Variants in STK32B observed in about 807,000 individuals in gnomAD.
The protein encoded by STK32B is serine/threonine kinase 32B.
In STK32B, 43 loss-of-function variants were observed where a neutral mutation model predicts 52.6. That is an observed-to-expected ratio of 0.82 (90% confidence interval 0.64 to 1.05). The LOEUF (loss-of-function observed/expected upper bound fraction) is 1.05. Among genes scored for constraint, STK32B ranks in the 50% least tolerant of loss-of-function variants. The pLI, the probability that STK32B is intolerant of heterozygous loss-of-function variation, is 0.00. For synonymous variants in STK32B, 238 were observed against 204.3 expected, an observed-to-expected ratio of 1.17 and a Z score of -1.41; for missense variants, 621 against 534.6, an observed-to-expected ratio of 1.16 and a Z score of -1.59.
At chr4:5,379,844 C>G (rs375917970) in intron 4 of STK32B, among the ~76,000 whole-genome samples, 1 of 152,164 alleles carries the variant, frequency 6.6e-6, no homozygotes, top group Non-Finnish European at 1.5e-5. Flanking sequence ...TTTAAGCCCC[C>G]GGTTCGTGGT....
intron 1 of STK32B, among the ~76,000 whole-genome samples, chr4:5,120,776 A>G (rs1714981008): frequency 1.3e-5 from 2 of 152,030 alleles, no homozygotes; most frequent in South Asian, 4.1e-4. Context: ...GCTTTTTTCT[A>G]AGCACTTTAC....
intron 3 of STK32B, among the ~76,000 whole-genome samples, chr4:5,256,270 C>T (rs1442117014): frequency 6.6e-6 from 1 of 152,170 alleles, no homozygotes; most frequent in East Asian, 1.9e-4. Context: ...AAGCCAGAGA[C>T]CATCTTTCAT....
At chr4:5,488,402 C>T (rs1348409216) in intron 11 of STK32B, among the ~76,000 whole-genome samples, 1 of 152,134 alleles carries the variant, frequency 6.6e-6, no homozygotes, top group Non-Finnish European at 1.5e-5. Flanking sequence ...TTATTAAGAG[C>T]AGATCAATAT....
chr4:5,021,192 G>A, the STK32B span, among the ~76,000 whole-genome samples: 5 of 152,196 alleles, frequency 3.3e-5, no homozygotes, highest in Admixed American at 3.3e-4. Flanking sequence ...AAACAGGATA[G>A]CATCACGCTG....
chr4:5,391,631 C>G (rs900161998), intron 4 of STK32B, among the ~76,000 whole-genome samples: 1 of 151,984 alleles, frequency 6.6e-6, no homozygotes, highest in African/African-American at 2.4e-5. Flanking sequence ...ATGGTCTGGC[C>G]TGGCTGGGCC....
chr4:5,080,735 C>T (rs904688708), intron 1 of STK32B, among the ~76,000 whole-genome samples: 1 of 151,994 alleles, frequency 6.6e-6, no homozygotes, highest in Non-Finnish European at 1.5e-5. Context: ...AAATGATTAT[C>T]ATAATCATAT....
chr4:5,429,661 A>G (rs998370896), intron 6 of STK32B, among the ~76,000 whole-genome samples: 2 of 151,988 alleles, frequency 1.3e-5, no homozygotes, highest in African/African-American at 2.4e-5. Context: ...TGCTATTTTC[A>G]TATTCTTTCT....
chr4:5,370,996 G>GTGTGTGTGTGTGTGTATA (rs570241863), intron 4 of STK32B, among the ~76,000 whole-genome samples: 1 of 141,066 alleles, frequency 7.1e-6, no homozygotes, highest in African/African-American at 2.7e-5. Context: ...GTGTGTGTGT[G>GTGTGTGTGTGTGTGTATA]TATATATATA....
At chr4:5,251,300 G>A (rs1309984927) in intron 3 of STK32B, among the ~76,000 whole-genome samples, 1 of 152,174 alleles carries the variant, frequency 6.6e-6, no homozygotes, top group Non-Finnish European at 1.5e-5. Context: ...TCTTCTGCAT[G>A]TGGCTGGTTA....
At chr4:5,171,555 T>C (rs1719375579) in intron 3 of STK32B, among the ~76,000 whole-genome samples, 1 of 152,222 alleles carries the variant, frequency 6.6e-6, no homozygotes, top group Non-Finnish European at 1.5e-5. Context: ...CACCATTTAT[T>C]AAGTAGGGAA....
chr4:5,121,916 C>T (rs1048538746), intron 1 of STK32B, among the ~76,000 whole-genome samples: 1 of 152,228 alleles, frequency 6.6e-6, no homozygotes, highest in African/African-American at 2.4e-5. Context: ...TTGAGGAGAA[C>T]ACAGCCCAGG....
intron 1 of STK32B, among the ~76,000 whole-genome samples, chr4:5,136,839 G>C (rs1405532754): frequency 6.6e-6 from 1 of 152,094 alleles, no homozygotes; most frequent in Non-Finnish European, 1.5e-5. Context: ...GTACACCCCA[G>C]GGAGATGCCA....
intron 3 of STK32B, among the ~76,000 whole-genome samples, chr4:5,211,804 C>T (rs763319044): frequency 7.9e-5 from 12 of 152,152 alleles, no homozygotes; most frequent in South Asian, 2.1e-4. Context: ...TAAACAAACT[C>T]GCATTTTACA....
At chr4:5,363,013 C>T (rs997385611) in intron 4 of STK32B, among the ~76,000 whole-genome samples, 1 of 152,176 alleles carries the variant, frequency 6.6e-6, no homozygotes, top group African/African-American at 2.4e-5. Flanking sequence ...CATTGGAGAT[C>T]TCAGTGCTTT....
At chr4:5,098,563 T>C in intron 1 of STK32B, among the ~76,000 whole-genome samples, 1 of 152,240 alleles carries the variant, frequency 6.6e-6, no homozygotes, top group East Asian at 1.9e-4. Context: ...ACAAGAGTTC[T>C]TGTAAGGAGG....
chr4:5,264,201 G>A (rs972314059), intron 3 of STK32B, among the ~76,000 whole-genome samples: 19 of 152,188 alleles, frequency 1.2e-4, no homozygotes, highest in Non-Finnish European at 2.9e-5. Flanking sequence ...TTTGGGTATA[G>A]AGTAAGCATA....
intron 3 of STK32B, chr4:5,204,043 G>A (rs1722365780): frequency 6.6e-6 from 1 of 152,284 alleles, no homozygotes; most frequent in South Asian, 2.1e-4. Context: ...GCTGGGTCTT[G>A]CTTGACACCA....
chr4:5,043,561 C>T, the STK32B span, among the ~76,000 whole-genome samples: 1 of 152,212 alleles, frequency 6.6e-6, no homozygotes, highest in East Asian at 1.9e-4. Flanking sequence ...GCAGCCTGCT[C>T]TCTTAGGAGG....
chr4:5,485,230 C>G lies in STK32B; in HGVS notation c.1107-13715C>G, dbSNP rs918278230. ...CCCCGTCACTTTCAGGTACACCAAT[C>G]AGATGTAGATTTGGTATTTTCACAA... On this transcript the variant is annotated intron_variant, in intron 11 of 11. Coordinates refer to ENST00000282908, the MANE Select transcript of STK32B (RefSeq NM_018401.3). Among the ~76,000 whole-genome samples the G allele has an allele frequency of 4.9e-4, 74 of 152,290 alleles. 1 individual carries two copies. The highest frequency in any genetic ancestry group is 1.7e-3 in the African/African-American group (71 of 41,560).
Sources: gnomAD v4.1 joint callset for allele counts (sites outside exome capture counted in the v4.1 genomes callset) on GRCh38, gnomAD v4.1.1 for gene constraint, MANE v1.5 for transcripts, NCBI Gene and HGNC (gene_info 2026-07-23, HGNC 2026-07-21) for gene names.